Variants in GULP1 observed in about 807,000 individuals in gnomAD.
GULP1 encodes the protein GULP PTB domain containing engulfment adaptor 1, also known as PTB domain-containing engulfment adapter protein 1.
A neutral mutation model predicts 40.9 loss-of-function variants in GULP1; 19 were observed. That is an observed-to-expected ratio of 0.46 (90% CI 0.32 to 0.68). The LOEUF is 0.68. GULP1 is among the 30% of genes least tolerant of loss of function. The probability of loss-of-function intolerance (pLI) is 0.03; values close to 1 mark genes in which losing one functional copy is unlikely to be tolerated. For missense variants in GULP1, 312 were observed against 362.2 expected (o/e 0.86, Z 1.12); for synonymous variants, 119 against 117.6 (o/e 1.01, Z -0.08).
chr2:188,303,052 A>G (rs1003796730), intron 1 of GULP1, among the ~76,000 whole-genome samples: 1 of 152,138 alleles, frequency 6.6e-6, no homozygotes, highest in Non-Finnish European at 1.5e-5. Flanking sequence ...CTGTTCTTTA[A>G]TAATGTCATG....
At position 188,304,847 on chromosome 2, in the gene GULP1, C is replaced by T. The variant is rs1244419988; in HGVS notation, c.-172+12681C>T. ...GGAAAAACTCTCAAACTATGTTTTTCCTCTGCTCTCATACAACAACAACCA... is the reference window on the plus strand; with the variant it reads ...GGAAAAACTCTCAAACTATGTTTTTTCTCTGCTCTCATACAACAACAACCA... On this transcript the variant is annotated intron_variant, in intron 1 of 11. Coordinates refer to ENST00000409830, the MANE Select transcript of GULP1 (RefSeq NM_016315.4). Among the ~76,000 whole-genome samples, 5 of 152,132 alleles carry T rather than the reference C, an allele frequency of 3.3e-5. No individual in the cohort carries two copies. In the East Asian group the frequency reaches 9.6e-4, roughly 29 times the overall value.
rs545174627 is a variant in GULP1 at position 188,529,224 on chromosome 2, A to C, written c.261+29A>C. 6.3e-5 allele frequency: 65 copies of C among 1,025,658 alleles called. No homozygotes were observed. The South Asian group carries it at 8.0e-4, about 13-fold the overall frequency. 63.5% of individuals were successfully genotyped at this position (1,025,658 alleles called of 1,614,324 possible). Reference sequence around the variant, plus strand: ...AGGCTTTTTTTTTAATGTTAGAGGCAATCTTTAATTAATTGCAATTATATT... The same window carrying C: ...AGGCTTTTTTTTTAATGTTAGAGGCCATCTTTAATTAATTGCAATTATATT... On this transcript the variant is annotated intron_variant, in intron 6 of 11. Transcript: ENST00000409830.
intron 5 of GULP1, among the ~76,000 whole-genome samples, chr2:188,526,708 A>G (rs1686247139): frequency 6.6e-6 from 1 of 152,234 alleles, no homozygotes; most frequent in Admixed American, 6.5e-5. Flanking sequence ...ATCAAGGCCA[A>G]TAACCAGTGT....
At chr2:188,416,113 G>A (rs2054543421) in intron 2 of GULP1, among the ~76,000 whole-genome samples, 1 of 152,110 alleles carries the variant, frequency 6.6e-6, no homozygotes, top group African/African-American at 2.4e-5. Context: ...TTATTAAGCA[G>A]TGTTTCCACT....
intron 2 of GULP1, among the ~76,000 whole-genome samples, chr2:188,436,608 G>GA (rs912408049): frequency 4.0e-5 from 6 of 151,650 alleles, no homozygotes; most frequent in Non-Finnish European, 5.9e-5. Context: ...GAAATTCAAG[G>GA]AAAAAAGAGA....
chr2:188,514,077 G>GTGTGTGTGTGTGTGTGTGTA (rs1221246994), intron 4 of GULP1, among the ~76,000 whole-genome samples: 1 of 150,024 alleles, frequency 6.7e-6, no homozygotes, highest in East Asian at 2.0e-4. Context: ...GTGTGTGTGT[G>GTGTGTGTGTGTGTGTGTGTA]TGTGTGCGCC....
chr2:188,297,359 A>G (rs1310898665), intron 1 of GULP1: 1 of 397,124 alleles, frequency 2.5e-6, no homozygotes, highest in Non-Finnish European at 5.0e-6. Flanking sequence ...TAAATTCACT[A>G]CTTAGAAGTT....
At chr2:188,386,508 A>G (rs2049774612) in intron 2 of GULP1, among the ~76,000 whole-genome samples, 1 of 152,074 alleles carries the variant, frequency 6.6e-6, no homozygotes. Context: ...TGAGAATATG[A>G]ATTAGTGTTT....
At chr2:188,334,040 C>T (rs1242979204) in intron 1 of GULP1, among the ~76,000 whole-genome samples, 1 of 152,100 alleles carries the variant, frequency 6.6e-6, no homozygotes, top group Admixed American at 6.5e-5. Context: ...GTAGTGACTC[C>T]ACCCCAACGC....
intron 2 of GULP1, among the ~76,000 whole-genome samples, chr2:188,400,386 T>C (rs1271199132): frequency 6.6e-6 from 1 of 152,216 alleles, no homozygotes; most frequent in Non-Finnish European, 1.5e-5. Flanking sequence ...TCAGAGGTTC[T>C]GGGTGAACAT....
chr2:188,336,432 G>T (rs1049765807), intron 1 of GULP1, among the ~76,000 whole-genome samples: 1 of 152,286 alleles, frequency 6.6e-6, no homozygotes, highest in African/African-American at 2.4e-5. Context: ...GCCAGATACT[G>T]TTCTAGGTGC....
At chr2:188,390,722 A>G in intron 2 of GULP1, among the ~76,000 whole-genome samples, 1 of 151,842 alleles carries the variant, frequency 6.6e-6, no homozygotes, top group Non-Finnish European at 1.5e-5. Flanking sequence ...TTCCTGGGTT[A>G]TCTTCTAGGT....
intron 2 of GULP1, among the ~76,000 whole-genome samples, chr2:188,398,943 A>G (rs2051687233): frequency 6.6e-6 from 1 of 152,238 alleles, no homozygotes; most frequent in African/African-American, 2.4e-5. Flanking sequence ...AGAGAAGGAA[A>G]TTGGCAAATC....
chr2:188,400,205 C>G (rs1299833188), intron 2 of GULP1, among the ~76,000 whole-genome samples: 1 of 152,110 alleles, frequency 6.6e-6, no homozygotes, highest in African/African-American at 2.4e-5. Flanking sequence ...ACTCCAATCT[C>G]TGCTTCCATC....
intron 2 of GULP1, among the ~76,000 whole-genome samples, chr2:188,399,053 A>G (rs562142887): frequency 1.3e-5 from 2 of 152,368 alleles, no homozygotes; most frequent in South Asian, 4.1e-4. Context: ...ACCTATTTAT[A>G]CAAGCAATCT....
chr2:188,394,212 T>C (rs1348639028), intron 2 of GULP1, among the ~76,000 whole-genome samples: 1 of 152,138 alleles, frequency 6.6e-6, no homozygotes, highest in Non-Finnish European at 1.5e-5. Flanking sequence ...ACAGACATTA[T>C]TCATTTCTTC....
At chr2:188,487,102 T>C (rs563717085) in intron 4 of GULP1, among the ~76,000 whole-genome samples, 1 of 152,044 alleles carries the variant, frequency 6.6e-6, no homozygotes, top group Non-Finnish European at 1.5e-5. Flanking sequence ...CTTCAATTTT[T>C]TATGAGAATG....
chr2:188,472,070 A>G (rs1210695432), intron 2 of GULP1, among the ~76,000 whole-genome samples: 1 of 152,066 alleles, frequency 6.6e-6, no homozygotes, highest in East Asian at 1.9e-4. Context: ...TTTTTCCTTT[A>G]GCAGTTTAAA....
intron 3 of GULP1, among the ~76,000 whole-genome samples, chr2:188,482,493 A>G (rs1353267844): frequency 6.6e-6 from 1 of 151,852 alleles, no homozygotes; most frequent in Non-Finnish European, 1.5e-5. Flanking sequence ...TAAGATACGT[A>G]CAAAACTACA....
Sources: allele counts gnomAD v4.1 joint callset (sites outside exome capture counted in the v4.1 genomes callset), GRCh38; gene constraint gnomAD v4.1.1; transcripts MANE v1.5; gene names NCBI Gene and HGNC (gene_info 2026-07-23, HGNC 2026-07-21).